TENM3: variants seen among roughly 807,000 people sequenced by gnomAD.
TENM3 encodes the protein teneurin-3.
Under a neutral mutation model 255.1 loss-of-function variants are expected in TENM3, and 63 were observed. The observed-to-expected ratio is 0.25, with a 90% CI of 0.20 to 0.30. TENM3 has a LOEUF of 0.30. TENM3 is among the 10% of genes least tolerant of loss of function. The probability of loss-of-function intolerance (pLI) is 1.00; values close to 1 mark genes in which losing one functional copy is unlikely to be tolerated. For missense variants in TENM3, 2,929 were observed against 3,461.1 expected, an observed-to-expected ratio of 0.85 and a Z score of 3.86; for synonymous variants, 1,306 against 1,322.3, an observed-to-expected ratio of 0.99 and a Z score of 0.27.
chr4:182,148,794 C>G (rs924702740), intron 1 of TENM3, among the ~76,000 whole-genome samples: 4 of 151,916 alleles, frequency 2.6e-5, no homozygotes, highest in Admixed American at 6.6e-5. Flanking sequence ...CTTATCTGTA[C>G]CTGGTCATCT....
At chr4:182,204,056 G>A (rs1013422777) in intron 1 of TENM3, among the ~76,000 whole-genome samples, 2 of 152,198 alleles carry the variant, frequency 1.3e-5, no homozygotes, top group African/African-American at 2.4e-5. Context: ...ATGGATAGAG[G>A]GCTGGATAAT....
the TENM3 span, among the ~76,000 whole-genome samples, chr4:181,476,289 G>A: frequency 1.3e-5 from 2 of 151,134 alleles, no homozygotes; most frequent in Non-Finnish European, 2.9e-5. Flanking sequence ...ATATGTGGGA[G>A]AGGTGTGATT....
At chr4:182,291,235 G>C (rs1247392671) in intron 1 of TENM3, among the ~76,000 whole-genome samples, 1 of 152,156 alleles carries the variant, frequency 6.6e-6, no homozygotes, top group Non-Finnish European at 1.5e-5. Flanking sequence ...TCTCCGGCAG[G>C]CTTCCCACGG....
At chr4:181,921,691 T>C in the TENM3 span, among the ~76,000 whole-genome samples, 2 of 152,200 alleles carry the variant, frequency 1.3e-5, no homozygotes, top group African/African-American at 4.8e-5. Context: ...CAGGGACAAT[T>C]TGACTTTCTC....
chr4:182,426,818 T>C (rs986872820), intron 3 of TENM3, among the ~76,000 whole-genome samples: 1 of 152,212 alleles, frequency 6.6e-6, no homozygotes. Context: ...TCATAACTAA[T>C]TGTTGAATTT....
the TENM3 span, among the ~76,000 whole-genome samples, chr4:181,784,537 T>G: frequency 6.6e-6 from 1 of 152,200 alleles, no homozygotes; most frequent in Admixed American, 6.6e-5. Flanking sequence ...TGTTGTGTTT[T>G]TATTTATAGT....
chr4:182,463,512 C>T (rs1732261768), intron 3 of TENM3, among the ~76,000 whole-genome samples: 1 of 151,964 alleles, frequency 6.6e-6, no homozygotes, highest in Non-Finnish European at 1.5e-5. Context: ...ACTCTGTCGC[C>T]CAGGCTGGAG....
the TENM3 span, among the ~76,000 whole-genome samples, chr4:181,473,104 TTTTC>T: frequency 0.023 from 3,530 of 152,270 alleles, 117 homozygotes; most frequent in African/African-American, 0.076. Flanking sequence ...TCATTAAACA[TTTTC>T]ATTTATTTCA....
At chr4:182,716,309 A>G (rs1009289471) in intron 13 of TENM3, among the ~76,000 whole-genome samples, 4 of 152,210 alleles carry the variant, frequency 2.6e-5, no homozygotes, top group African/African-American at 9.7e-5. Context: ...GGGGCTAATC[A>G]ACTCTTTAGT....
In TENM3 at chr4:182,271,128, G is replaced by A. The variant is rs115694308; in HGVS notation, c.-76+27652G>A. ...AGGACATAGAAATTCCTCCTGCTAA[G>A]ACAACCAGAGTCTTGAGGGCTCTTA... On this transcript the variant is annotated intron_variant, in intron 1 of 27. Coordinates refer to ENST00000511685, the MANE Select transcript of TENM3 (RefSeq NM_001080477.4). 8.5e-3 allele frequency among the ~76,000 whole-genome samples: 1,299 copies of A among 152,234 alleles called. 18 individuals carry two copies. The highest frequency in any genetic ancestry group is 0.03 in the African/African-American group (1,244 of 41,530).
At chr4:181,455,172 C>G in the TENM3 span, among the ~76,000 whole-genome samples, 1 of 152,202 alleles carries the variant, frequency 6.6e-6, no homozygotes, top group South Asian at 2.1e-4. Context: ...GTGGCTGGTT[C>G]TTTTCTTCTA....
the TENM3 span, among the ~76,000 whole-genome samples, chr4:182,069,041 T>C: frequency 1.3e-5 from 2 of 151,786 alleles, no homozygotes; most frequent in African/African-American, 4.8e-5. Flanking sequence ...TAAAACACAA[T>C]ATTAGAAAAT....
intron 5 of TENM3, among the ~76,000 whole-genome samples, chr4:182,635,416 A>T (rs1352444061): frequency 6.6e-6 from 1 of 152,174 alleles, no homozygotes; most frequent in Non-Finnish European, 1.5e-5. Context: ...ATCCTTTAAC[A>T]GTCACTCGCT....
At chr4:182,186,147 T>C (rs1316084556) in intron 1 of TENM3, among the ~76,000 whole-genome samples, 2 of 152,198 alleles carry the variant, frequency 1.3e-5, no homozygotes, top group Non-Finnish European at 2.9e-5. Context: ...CAATGATTGT[T>C]TCATGTGTTC....
the TENM3 span, among the ~76,000 whole-genome samples, chr4:181,888,538 ATATATATATATG>A: frequency 6.2e-4 from 46 of 74,166 alleles, 2 homozygotes; most frequent in African/African-American, 1.9e-3. Flanking sequence ...ATATATGTGT[ATATATATATATG>A]TATATATATA....
chr4:181,879,472 G>A, the TENM3 span, among the ~76,000 whole-genome samples: 2 of 152,062 alleles, frequency 1.3e-5, no homozygotes, highest in Non-Finnish European at 2.9e-5. Flanking sequence ...CTAAACACTA[G>A]GTAGAACTGA....
the TENM3 span, among the ~76,000 whole-genome samples, chr4:181,656,150 C>T: frequency 6.6e-6 from 1 of 152,246 alleles, no homozygotes; most frequent in East Asian, 1.9e-4. Context: ...TGGCACACAT[C>T]ACTTCTTCTG....
chr4:181,830,976 C>T, the TENM3 span, among the ~76,000 whole-genome samples: 2 of 152,154 alleles, frequency 1.3e-5, no homozygotes, highest in African/African-American at 4.8e-5. Flanking sequence ...GGTAGCATTT[C>T]AATTAGACAC....
intron 1 of TENM3, among the ~76,000 whole-genome samples, chr4:182,306,847 G>A (rs1466197372): frequency 1.3e-5 from 2 of 152,278 alleles, no homozygotes; most frequent in East Asian, 3.9e-4. Context: ...AGCCTTAGGG[G>A]AGCTCAGTGT....
Sources: gnomAD v4.1 joint callset for allele counts (sites outside exome capture counted in the v4.1 genomes callset) on GRCh38, gnomAD v4.1.1 for gene constraint, MANE v1.5 for transcripts, NCBI Gene and HGNC (gene_info 2026-07-23, HGNC 2026-07-21) for gene names.